THSD4: variants seen among roughly 807,000 people sequenced by gnomAD.
THSD4 encodes the protein thrombospondin type 1 domain containing 4.
A neutral mutation model predicts 119.0 loss-of-function variants in THSD4; 69 were observed. The observed-to-expected ratio is 0.58, with a 90% CI of 0.48 to 0.71. THSD4 has a LOEUF of 0.71. Among genes scored for constraint, THSD4 ranks in the 30% least tolerant of loss-of-function variants. The pLI, the probability that THSD4 is intolerant of heterozygous loss-of-function variation, is 0.00. For synonymous variants in THSD4, 524 were observed against 540.4 expected (o/e 0.97, Z 0.42); for missense variants, 1,393 against 1,391.1 (o/e 1.00, Z -0.02).
chr15:71,213,369 C>T (rs976762867), intron 3 of THSD4, among the ~76,000 whole-genome samples: 4 of 152,132 alleles, frequency 2.6e-5, no homozygotes, highest in African/African-American at 4.8e-5. Flanking sequence ...AATCTGGCAC[C>T]GAGCAGGTGC....
intron 7 of THSD4, among the ~76,000 whole-genome samples, chr15:71,523,660 C>T (rs978050899): frequency 8.6e-5 from 13 of 151,856 alleles, no homozygotes; most frequent in Admixed American, 8.5e-4. Context: ...TAGTCCAGGA[C>T]TGGGGAAATA....
intron 7 of THSD4, among the ~76,000 whole-genome samples, chr15:71,619,399 C>T (rs1316107973): frequency 6.6e-6 from 1 of 152,158 alleles, no homozygotes; most frequent in African/African-American, 2.4e-5. Context: ...TCTGCGGACC[C>T]AGGAGAGCCA....
intron 6 of THSD4, among the ~76,000 whole-genome samples, chr15:71,381,413 G>T (rs1487626076): frequency 1.3e-5 from 2 of 152,126 alleles, no homozygotes; most frequent in Non-Finnish European, 2.9e-5. Context: ...CATTTCCTTG[G>T]TGTTAATATT....
chr15:71,432,098 C>A (rs143763826), intron 7 of THSD4, among the ~76,000 whole-genome samples: 433 of 152,026 alleles, frequency 2.8e-3, no homozygotes, highest in African/African-American at 0.01. Flanking sequence ...ATTTCTAGGA[C>A]TCGCGTACTA....
At chr15:71,598,761 G>A (rs991251724) in intron 7 of THSD4, among the ~76,000 whole-genome samples, 1 of 152,036 alleles carries the variant, frequency 6.6e-6, no homozygotes, top group South Asian at 2.1e-4. Flanking sequence ...GGGACTACAG[G>A]CACATACCAC....
chr15:71,441,819 G>A (rs28579204), intron 7 of THSD4, among the ~76,000 whole-genome samples: 77,611 of 151,826 alleles, frequency 0.51, 20,028 homozygotes, highest in Non-Finnish European at 0.55. Context: ...TTAGTAAAGC[G>A]GGGATGAGAG....
intron 7 of THSD4, among the ~76,000 whole-genome samples, chr15:71,601,744 G>A (rs1460914984): frequency 6.6e-6 from 1 of 152,180 alleles, no homozygotes; most frequent in Non-Finnish European, 1.5e-5. Flanking sequence ...TCTGGTAATG[G>A]AAGTTTGGTT....
At chr15:71,474,842 T>A (rs954236284) in intron 7 of THSD4, among the ~76,000 whole-genome samples, 16 of 152,196 alleles carry the variant, frequency 1.1e-4, no homozygotes, top group African/African-American at 3.9e-4. Flanking sequence ...TCTAGCAATC[T>A]CTCTCTTCCC....
At chr15:71,566,111 C>CT (rs2049231373) in intron 7 of THSD4, among the ~76,000 whole-genome samples, 1 of 151,538 alleles carries the variant, frequency 6.6e-6, no homozygotes, top group Non-Finnish European at 1.5e-5. Context: ...AAAATAATGA[C>CT]TAAACCATTT....
At chr15:71,716,387 A>C (rs561769897) in intron 8 of THSD4, among the ~76,000 whole-genome samples, 66 of 152,314 alleles carry the variant, frequency 4.3e-4, no homozygotes, top group African/African-American at 1.6e-3. Flanking sequence ...TATTCAACCC[A>C]GTATAGGATA....
At chr15:71,191,100 TTC>T (rs746926879) in intron 3 of THSD4, among the ~76,000 whole-genome samples, 10 of 152,158 alleles carry the variant, frequency 6.6e-5, no homozygotes, top group Non-Finnish European at 1.0e-4. Context: ...TCTCCATTCC[TTC>T]TCTGTGTCCT....
chr15:71,351,990 A>G (rs548676081), intron 6 of THSD4, among the ~76,000 whole-genome samples: 1 of 152,314 alleles, frequency 6.6e-6, no homozygotes, highest in South Asian at 2.1e-4. Context: ...TCCTTGATAC[A>G]CTTGTGTAAA....
intron 3 of THSD4, among the ~76,000 whole-genome samples, chr15:71,182,593 A>G (rs1383216629): frequency 6.6e-6 from 1 of 151,808 alleles, no homozygotes; most frequent in Non-Finnish European, 1.5e-5. Context: ...AATTCCCACT[A>G]TGTTATGTTT....
At chr15:71,173,947 A>T (rs1331738080) in intron 3 of THSD4, among the ~76,000 whole-genome samples, 1 of 152,148 alleles carries the variant, frequency 6.6e-6, no homozygotes, top group Non-Finnish European at 1.5e-5. Context: ...AAAATGGATG[A>T]AACATCTAAA....
chr15:71,534,568 A>G (rs2048663376), intron 7 of THSD4, among the ~76,000 whole-genome samples: 1 of 152,168 alleles, frequency 6.6e-6, no homozygotes, highest in Non-Finnish European at 1.5e-5. Context: ...TTTTCTGCTC[A>G]CTGTAAAAAC....
At chr15:71,643,255 TA>T (rs1252818022) in intron 7 of THSD4, among the ~76,000 whole-genome samples, 1 of 152,174 alleles carries the variant, frequency 6.6e-6, no homozygotes, top group Non-Finnish European at 1.5e-5. Context: ...TCCCAACACA[TA>T]AAACAAATTT....
chr15:71,366,231 G>A (rs1206770915), intron 6 of THSD4, among the ~76,000 whole-genome samples: 1 of 152,074 alleles, frequency 6.6e-6, no homozygotes, highest in African/African-American at 2.4e-5. Flanking sequence ...CCGCCTCCAT[G>A]CCCGGCTAAT....
At chr15:71,576,109 A>G (rs973202934) in intron 7 of THSD4, among the ~76,000 whole-genome samples, 1 of 109,088 alleles carries the variant, frequency 9.2e-6, no homozygotes. Context: ...TTTTGTGGAA[A>G]AAAAAAAAAA....
At chr15:71,116,562 C>T (rs2040364517) in intron 1 of THSD4, among the ~76,000 whole-genome samples, 1 of 152,322 alleles carries the variant, frequency 6.6e-6, no homozygotes, top group African/African-American at 2.4e-5. Flanking sequence ...TGCTTCTCTT[C>T]CTGTCTCCTT....
Sources: gnomAD v4.1 joint callset for allele counts (sites outside exome capture counted in the v4.1 genomes callset) on GRCh38, gnomAD v4.1.1 for gene constraint, MANE v1.5 for transcripts, NCBI Gene and HGNC (gene_info 2026-07-23, HGNC 2026-07-21) for gene names.